IL1RAPL2: variants seen among roughly 807,000 people sequenced by gnomAD.
The protein encoded by IL1RAPL2 is interleukin 1 receptor accessory protein like 2, also known as X-linked interleukin-1 receptor accessory protein-like 2.
A neutral mutation model predicts 44.1 loss-of-function variants in IL1RAPL2; 3 were observed. The observed-to-expected ratio is 0.07, with a 90% confidence interval of 0.03 to 0.18. The LOEUF (loss-of-function observed/expected upper bound fraction) is 0.18. Among genes scored for constraint, IL1RAPL2 ranks in the 10% least tolerant of loss-of-function variants. The pLI is 1.00. For synonymous variants in IL1RAPL2, 181 were observed against 178.8 expected (o/e 1.01, Z -0.10); for missense variants, 391 against 496.4 (o/e 0.79, Z 2.02).
chrX:105,451,870 A>G (rs921296184), intron 5 of IL1RAPL2, among the ~76,000 whole-genome samples: 1 of 111,619 alleles, frequency 9.0e-6, no homozygotes, highest in Non-Finnish European at 1.9e-5. Flanking sequence ...CACATTCAAC[A>G]GAGAGAGAGG....
intron 2 of IL1RAPL2, among the ~76,000 whole-genome samples, chrX:104,750,207 C>A (rs909728612): frequency 2.7e-5 from 3 of 111,165 alleles, no homozygotes; most frequent in African/African-American, 9.8e-5. Context: ...GATGGTAGTT[C>A]TTTTAATAGC....
intron 5 of IL1RAPL2, among the ~76,000 whole-genome samples, chrX:105,318,531 G>A (rs1603063188): frequency 9.0e-6 from 1 of 111,448 alleles, no homozygotes; most frequent in Non-Finnish European, 1.9e-5. Flanking sequence ...TAAAGTTGGA[G>A]GCAGGAGCAT....
intron 2 of IL1RAPL2, among the ~76,000 whole-genome samples, chrX:104,766,812 G>A (rs544960988): frequency 2.7e-5 from 3 of 112,040 alleles, no homozygotes; most frequent in South Asian, 3.7e-4. Context: ...CAAATAAGCC[G>A]TTATTGTTAG....
chrX:105,140,871 G>C (rs1249300080), intron 2 of IL1RAPL2, among the ~76,000 whole-genome samples: 1 of 111,615 alleles, frequency 9.0e-6, no homozygotes, highest in Non-Finnish European at 1.9e-5. Flanking sequence ...GGTGCCAGTG[G>C]TGGGGAGGAG....
chrX:105,131,432 T>G (rs5962467), intron 2 of IL1RAPL2, among the ~76,000 whole-genome samples: 1 of 109,929 alleles, frequency 9.1e-6, no homozygotes, highest in African/African-American at 3.3e-5. Flanking sequence ...TATAAACAAA[T>G]GAGGGTGGTT....
chrX:105,043,290 G>T (rs2031784174), intron 2 of IL1RAPL2, among the ~76,000 whole-genome samples: 1 of 110,848 alleles, frequency 9.0e-6, no homozygotes, highest in South Asian at 3.9e-4. Context: ...CGGCAGACTA[G>T]CCAGGGGCTC....
chrX:105,166,983 A>T (rs964299925), intron 2 of IL1RAPL2, among the ~76,000 whole-genome samples: 1 of 112,355 alleles, frequency 8.9e-6, no homozygotes, highest in African/African-American at 3.2e-5. Flanking sequence ...ACCAAATGTT[A>T]TCAGCCTTAT....
rs191449151 is a variant in IL1RAPL2, at chrX:105,015,386, C to T, written c.83-180089C>T. Among the ~76,000 whole-genome samples the T allele has an allele frequency of 2.0e-4, 22 of 111,324 alleles. No individual in the cohort carries two copies. In the Admixed American group the frequency reaches 2.0e-3, roughly 10 times the overall value. Reference sequence around the variant, plus strand: ...CGGTGTTTTAGTCATGAAGTCTTTGCCTATGCCTGTGTCCTGAATGGTATT... The same window carrying T: ...CGGTGTTTTAGTCATGAAGTCTTTGTCTATGCCTGTGTCCTGAATGGTATT... On this transcript the variant is annotated intron_variant, in intron 2 of 10. Transcript: ENST00000372582.
intron 2 of IL1RAPL2, among the ~76,000 whole-genome samples, chrX:104,789,582 A>G (rs901460038): frequency 2.7e-5 from 3 of 112,224 alleles, no homozygotes; most frequent in South Asian, 3.7e-4. Context: ...ATGAAATGTG[A>G]GAAAATATAA....
intron 2 of IL1RAPL2, among the ~76,000 whole-genome samples, chrX:104,706,120 T>G (rs1166586875): frequency 9.0e-6 from 1 of 111,279 alleles, no homozygotes; most frequent in African/African-American, 3.3e-5. Context: ...GACAATGATG[T>G]TGCAGAGCCC....
At chrX:104,925,762 G>T (rs1341426197) in intron 2 of IL1RAPL2, among the ~76,000 whole-genome samples, 1 of 111,599 alleles carries the variant, frequency 9.0e-6, no homozygotes, top group Non-Finnish European at 1.9e-5. Flanking sequence ...GCAAAAGCTG[G>T]AAACATTCCC....
chrX:104,582,801 C>T (rs1431195362), intron 1 of IL1RAPL2, among the ~76,000 whole-genome samples: 1 of 74,658 alleles, frequency 1.3e-5, no homozygotes, highest in African/African-American at 5.5e-5. Context: ...CTTTCCCTCT[C>T]TCTCTTTCTC....
chrX:104,949,945 C>T (rs897410547), intron 2 of IL1RAPL2, among the ~76,000 whole-genome samples: 5 of 110,911 alleles, frequency 4.5e-5, no homozygotes, highest in African/African-American at 6.6e-5. Flanking sequence ...CTGCTTGGTG[C>T]AGAGCTGAGT....
At chrX:104,712,007 G>T (rs778209956) in intron 2 of IL1RAPL2, among the ~76,000 whole-genome samples, 71 of 110,918 alleles carry the variant, frequency 6.4e-4, no homozygotes, top group Non-Finnish European at 1.2e-3. Context: ...CCCCTGCTTG[G>T]TCCATGAACT....
At chrX:104,692,827 C>A (rs1297996104) in intron 2 of IL1RAPL2, among the ~76,000 whole-genome samples, 1 of 111,567 alleles carries the variant, frequency 9.0e-6, no homozygotes, top group African/African-American at 3.3e-5. Flanking sequence ...GTCTTTATAG[C>A]AGCATGATTT....
At chrX:104,594,393 A>G (rs1433862882) in intron 1 of IL1RAPL2, among the ~76,000 whole-genome samples, 1 of 111,731 alleles carries the variant, frequency 9.0e-6, no homozygotes, top group African/African-American at 3.2e-5. Flanking sequence ...CTAAGTTTCT[A>G]TATAACTTTG....
At chrX:105,597,743 T>C (rs2037222153) in intron 6 of IL1RAPL2, among the ~76,000 whole-genome samples, 1 of 111,682 alleles carries the variant, frequency 9.0e-6, no homozygotes, top group Non-Finnish European at 1.9e-5. Context: ...GTTGAAGATG[T>C]GATTTGGGTG....
At chrX:104,996,648 A>G (rs1251055526) in intron 2 of IL1RAPL2, among the ~76,000 whole-genome samples, 1 of 112,271 alleles carries the variant, frequency 8.9e-6, no homozygotes, top group East Asian at 2.8e-4. Flanking sequence ...AGTTTATTCA[A>G]TCATTTAACA....
At chrX:104,605,682 T>C (rs1355508136) in intron 1 of IL1RAPL2, among the ~76,000 whole-genome samples, 3 of 112,146 alleles carry the variant, frequency 2.7e-5, no homozygotes, top group Non-Finnish European at 5.6e-5. Flanking sequence ...TAGAGAATAC[T>C]ATAAACACCT....
Sources: gnomAD v4.1 joint callset for allele counts (sites outside exome capture counted in the v4.1 genomes callset) on GRCh38, gnomAD v4.1.1 for gene constraint, MANE v1.5 for transcripts, NCBI Gene and HGNC (gene_info 2026-07-23, HGNC 2026-07-21) for gene names.